The following BTAF1 variants were observed in gnomAD, a reference collection of about 807,000 sequenced individuals.
BTAF1 encodes B-TFIID TATA-box binding protein associated factor 1.
Under a neutral mutation model 227.1 loss-of-function variants are expected in BTAF1, and 38 were observed. The ratio of observed to expected loss-of-function variants is 0.17; its 90% CI spans 0.13 to 0.22. The LOEUF is 0.22. BTAF1 is among the 10% of genes least tolerant of loss of function. The pLI is 1.00. For synonymous variants in BTAF1, 742 were observed against 751.9 expected (o/e 0.99, Z 0.21); for missense variants, 1,598 against 2,204.0 (o/e 0.73, Z 5.51).
At chr10:92,013,578 A>G in intron 30 of BTAF1, 89 bp from the exon 31 acceptor site, 1 of 1,502,878 alleles carries the variant, frequency 6.7e-7, no homozygotes, top group East Asian at 2.3e-5. Flanking sequence ...CATCTATATG[A>G]TTATAATAAT....
rs544566301 is a variant in BTAF1, at chr10:91,927,853, C to T, written c.14+3763C>T. On this transcript the variant is annotated intron_variant, in intron 1 of 37. Coordinates refer to ENST00000265990, the MANE Select transcript of BTAF1 (RefSeq NM_003972.3). ...AATGACTAGCTGACTTTCCAGCATC[C>T]GCATCTTAGGGACAACATTGTTCTC... Among the ~76,000 whole-genome samples the T allele has an allele frequency of 6.2e-4, 95 of 152,188 alleles. 1 individual carries two copies. The highest frequency in any genetic ancestry group is 2.1e-3 in the African/African-American group (87 of 41,530).
Position 91,956,489 on chromosome 10 carries a change from G to A in BTAF1, c.702-39G>A, listed in dbSNP as rs999928767. On this transcript the variant is annotated intron_variant, in intron 6 of 37. Coordinates refer to ENST00000265990, the MANE Select transcript of BTAF1 (RefSeq NM_003972.3). ...TTTCATTCATTGTGGTTCACATTAC[G>A]CTTTATTCATTTTCTAAATGGTGAC... is the stretch of plus-strand genomic sequence containing the variant. The A allele has an allele frequency of 2.6e-6, 4 of 1,566,012 alleles. No homozygotes were observed. The African/African-American group carries it at 5.5e-5, about 22-fold the overall frequency.
In BTAF1 at chr10:92,025,442, T is replaced by TA. The variant is rs1289816579; in HGVS notation, c.5075+475_5075+476insA. On this transcript the variant is annotated intron_variant, in intron 35 of 37. Coordinates refer to ENST00000265990, the MANE Select transcript of BTAF1 (RefSeq NM_003972.3). ...AAAATCTCAGTGGTTGCTTTTTTTT[T>TA]TAAAAAAAAAATGCAGATTCCTAGG... Among the ~76,000 whole-genome samples, 280 of 150,310 alleles carry TA rather than the reference T, an allele frequency of 1.9e-3. 2 individuals are homozygous for TA. The highest frequency in any genetic ancestry group is 4.1e-3 in the East Asian group (21 of 5,108).
chr10:91,979,754 G>T (rs922497073), intron 14 of BTAF1, among the ~76,000 whole-genome samples: 2 of 152,156 alleles, frequency 1.3e-5, no homozygotes, highest in African/African-American at 4.8e-5. Context: ...GATATTTGGT[G>T]AAGCACTATT....
At chr10:92,022,760 C>G (rs949751367) in intron 34 of BTAF1, among the ~76,000 whole-genome samples, 2 of 152,152 alleles carry the variant, frequency 1.3e-5, no homozygotes, top group African/African-American at 4.8e-5. Flanking sequence ...TCACGTCTCT[C>G]CTGAGACACC....
In BTAF1 at chr10:92,011,155, GAATT is replaced by G. The variant is rs767176714; in HGVS notation, c.4181+10_4181+13del. 6 of 1,569,464 alleles carry G rather than the reference GAATT, an allele frequency of 3.8e-6. No homozygotes were observed. Among genetic ancestry groups the G allele is most frequent in the South Asian group, 1.2e-5 (1 of 82,634 alleles). ...GAATGACATAGATTTCTTTAGGTAA[GAATT>G]AATTTTTTTTTTAGAAAAATTAATA... is the stretch of plus-strand genomic sequence containing the variant. On this transcript the variant is annotated splice_donor_region_variant and intron_variant, in intron 29 of 37. Transcript: ENST00000265990.
At chr10:91,968,932 C>T (rs923221624) in intron 14 of BTAF1, among the ~76,000 whole-genome samples, 1 of 151,650 alleles carries the variant, frequency 6.6e-6, no homozygotes, top group Non-Finnish European at 1.5e-5. Flanking sequence ...GTGATCATAG[C>T]TTACTGCAAT....
intron 35 of BTAF1, 84 bp downstream of exon 35, chr10:92,025,051 C>A: frequency 8.2e-7 from 1 of 1,212,530 alleles, no homozygotes; most frequent in Admixed American, 2.2e-5. Flanking sequence ...TTTTCATTGG[C>A]TAAATATCTG....
At chr10:92,021,855 T>G (rs1449335416) in intron 34 of BTAF1, among the ~76,000 whole-genome samples, 4 of 152,066 alleles carry the variant, frequency 2.6e-5, no homozygotes, top group Non-Finnish European at 5.9e-5. Context: ...AAATTTTGAG[T>G]TTTATAGTTT....
intron 1 of BTAF1, among the ~76,000 whole-genome samples, chr10:91,932,406 A>G (rs979140844): frequency 2.0e-5 from 3 of 149,544 alleles, no homozygotes; most frequent in African/African-American, 7.6e-5. Flanking sequence ...AGGAAGCAGG[A>G]AAAAAAAAGG....
At chr10:91,929,367 A>G (rs1383767790) in intron 1 of BTAF1, among the ~76,000 whole-genome samples, 5 of 152,220 alleles carry the variant, frequency 3.3e-5, no homozygotes, top group Non-Finnish European at 5.9e-5. Flanking sequence ...TACTTATAAT[A>G]TGACTGTTTT....
At chr10:91,967,917 TGAAG>T (rs1310936276) in intron 14 of BTAF1, among the ~76,000 whole-genome samples, 3 of 152,288 alleles carry the variant, frequency 2.0e-5, no homozygotes, top group East Asian at 1.9e-4. Context: ...ACAGAAAAAA[TGAAG>T]GAAAAGTACA....
At chr10:91,997,057 CT>C in intron 24 of BTAF1, 1 of 1,237,930 alleles carries the variant, frequency 8.1e-7, no homozygotes, top group Non-Finnish European at 1.1e-6. Flanking sequence ...AGCTAACATT[CT>C]TTAACTCAAA....
chr10:92,012,088 TCCC>T (rs1850340267), intron 30 of BTAF1, among the ~76,000 whole-genome samples: 1 of 40,518 alleles, frequency 2.5e-5, no homozygotes, highest in Non-Finnish European at 4.8e-5. Context: ...CTTCCCTCCC[TCCC>T]TCCCCTCCCC....
chr10:92,023,731 G>C (rs1397050909), intron 34 of BTAF1, among the ~76,000 whole-genome samples: 2 of 152,088 alleles, frequency 1.3e-5, no homozygotes, highest in Non-Finnish European at 2.9e-5. Context: ...CGCCTTCAGG[G>C]TTCCAGCAAT....
chr10:91,952,462 C>T (rs1305131419), intron 5 of BTAF1, among the ~76,000 whole-genome samples: 2 of 152,134 alleles, frequency 1.3e-5, no homozygotes, highest in African/African-American at 4.8e-5. Flanking sequence ...ACATCTCAAG[C>T]GGTTCAGTAC....
At chr10:92,009,250 C>T in intron 28 of BTAF1, 42 bp downstream of exon 28, 1 of 1,578,546 alleles carries the variant, frequency 6.3e-7, no homozygotes, top group Non-Finnish European at 8.7e-7. Context: ...CATCTGTTGT[C>T]ATAATTAAGA....
intron 25 of BTAF1, among the ~76,000 whole-genome samples, chr10:92,003,155 C>A (rs1423020841): frequency 3.8e-3 from 543 of 141,040 alleles, no homozygotes; most frequent in South Asian, 4.6e-3. Context: ...GACTCCGTCT[C>A]AAAAAAAAAA....
chr10:91,993,256 C>A lies in BTAF1; in HGVS notation c.3046-438C>A, dbSNP rs555115332. Among the ~76,000 whole-genome samples the A allele has an allele frequency of 5.1e-4, 77 of 152,142 alleles. 1 individual carries two copies. The highest frequency in any genetic ancestry group is 1.8e-3 in the African/African-American group (75 of 41,510). On this transcript the variant is annotated intron_variant, in intron 21 of 37. Coordinates refer to ENST00000265990, the MANE Select transcript of BTAF1 (RefSeq NM_003972.3). ...ACAGATTTATGGACCGTAATTACTG[C>A]TGAATAAGAATTATTAATCTTGGGG...
Sources: gnomAD v4.1 joint callset for allele counts (sites outside exome capture counted in the v4.1 genomes callset) on GRCh38, gnomAD v4.1.1 for gene constraint, MANE v1.5 for transcripts, NCBI Gene and HGNC (gene_info 2026-07-23, HGNC 2026-07-21) for gene names.